CELF2: variants seen among roughly 807,000 people sequenced by gnomAD.
The protein encoded by CELF2 is CUGBP Elav-like family member 2, also known as CUG triplet repeat RNA-binding protein 2.
CELF2 carries 8 observed loss-of-function variants against 62.6 expected under a neutral mutation model. The ratio of observed to expected loss-of-function variants is 0.13; its 90% CI spans 0.07 to 0.23. The LOEUF (loss-of-function observed/expected upper bound fraction) is 0.23. Among genes scored for constraint, CELF2 ranks in the 10% least tolerant of loss-of-function variants. The pLI is 1.00. For synonymous variants in CELF2, 258 were observed against 250.0 expected (o/e 1.03, Z -0.30); for missense variants, 333 against 671.0 (o/e 0.50, Z 5.56).
chr10:10,553,375 C>G, the CELF2 span, among the ~76,000 whole-genome samples: 1 of 152,268 alleles, frequency 6.6e-6, no homozygotes, highest in South Asian at 2.1e-4. Flanking sequence ...CATATAATGC[C>G]TCTTCTTATA....
intron 1 of CELF2, among the ~76,000 whole-genome samples, chr10:10,889,608 A>T (rs1390056152): frequency 6.6e-6 from 1 of 152,246 alleles, no homozygotes. Context: ...GACCCATGTC[A>T]GTCTGACTTT....
the CELF2 span, among the ~76,000 whole-genome samples, chr10:10,531,936 G>A: frequency 6.6e-6 from 1 of 152,160 alleles, no homozygotes; most frequent in Non-Finnish European, 1.5e-5. Flanking sequence ...TATTACAGGT[G>A]CATTAATGGC....
At chr10:10,776,496 TC>T in the CELF2 span, 1 of 153,974 alleles carries the variant, frequency 6.5e-6, no homozygotes, top group East Asian at 1.9e-4. Context: ...AATTCATTCA[TC>T]CCCAGATTAT....
At chr10:10,880,538 G>T (rs749583662) in intron 1 of CELF2, among the ~76,000 whole-genome samples, 7 of 152,264 alleles carry the variant, frequency 4.6e-5, no homozygotes, top group South Asian at 2.1e-4. Context: ...AATCCTTCAA[G>T]TGAGATTTGG....
In CELF2 at chr10:11,165,670, C is replaced by A. The variant is rs2066853419; in HGVS notation, c.259C>A (p.Pro87Thr). Residue 87 changes from proline to threonine, a missense_variant, in exon 2 of 13, where the codon CCG (proline) becomes ACG (threonine). By Grantham distance (38) the Pro-to-Thr change is conservative (BLOSUM62 -1). Around this residue, in one of 3 missense-constraint regions of CELF2, gnomAD observed 253 missense variants for 503.0 expected, o/e 0.50. Coordinates refer to ENST00000633077, the MANE Select transcript of CELF2 (RefSeq NM_001326342.2). The surrounding 1 kb of genome is among the most constrained non-coding windows in gnomAD (Gnocchi z 7.4). ...NVLRDRSQNPPQSKGCCFVTF... is the reference protein window; with the variant it reads ...NVLRDRSQNPTQSKGCCFVTF... ...CCTCCGGGACCGGAGTCAGAACCCT[C>A]CGCAGAGTAAAGGTACAGAGCGCGG... The A allele has an allele frequency of 6.8e-6, 11 of 1,613,510 alleles. No homozygotes were observed. Among genetic ancestry groups the A allele is most frequent in the Non-Finnish European group, 9.3e-6 (11 of 1,179,704 alleles).
At chr10:10,884,213 A>T (rs1218537594) in intron 1 of CELF2, among the ~76,000 whole-genome samples, 1 of 152,228 alleles carries the variant, frequency 6.6e-6, no homozygotes, top group Non-Finnish European at 1.5e-5. Flanking sequence ...CCATTTTCAA[A>T]GCTCTGTAAC....
At chr10:11,093,618 A>G (rs1046563248) in intron 1 of CELF2, among the ~76,000 whole-genome samples, 3 of 152,224 alleles carry the variant, frequency 2.0e-5, no homozygotes, top group Admixed American at 2.0e-4. Context: ...AGCTTTAAAC[A>G]AACTTGATAT....
At chr10:10,909,619 A>T (rs1411404488) in intron 1 of CELF2, among the ~76,000 whole-genome samples, 1 of 152,214 alleles carries the variant, frequency 6.6e-6, no homozygotes, top group African/African-American at 2.4e-5. Context: ...TAAGACAAAA[A>T]TCTTCTTCCT....
the CELF2 span, among the ~76,000 whole-genome samples, chr10:10,494,110 G>A: frequency 1.3e-5 from 2 of 152,172 alleles, no homozygotes; most frequent in African/African-American, 4.8e-5. Flanking sequence ...AGCAGTCTTT[G>A]CCTGGCACGG....
intron 1 of CELF2, among the ~76,000 whole-genome samples, chr10:11,130,677 G>A (rs2059483434): frequency 6.6e-6 from 1 of 152,034 alleles, no homozygotes; most frequent in Non-Finnish European, 1.5e-5. Flanking sequence ...AATGTTGTGG[G>A]GAATTTAAAA....
chr10:11,286,266 C>T lies in CELF2; in HGVS notation c.842-2152C>T, dbSNP rs115586207. 7.4e-3 allele frequency among the ~76,000 whole-genome samples: 1,131 copies of T among 152,316 alleles called. 15 individuals are homozygous for T. The highest frequency in any genetic ancestry group is 0.026 in the African/African-American group (1,070 of 41,586). On this transcript the variant is annotated intron_variant, in intron 8 of 12. Coordinates refer to ENST00000633077, the MANE Select transcript of CELF2 (RefSeq NM_001326342.2). ...GTCATATATGTCCTGGAGGGGGACC[C>T]GCTGGCCTAAGCCTAGAATGGTGGC...
At chr10:11,250,873 C>G (rs543422612) in intron 4 of CELF2, among the ~76,000 whole-genome samples, 16 of 152,332 alleles carry the variant, frequency 1.1e-4, no homozygotes, top group Admixed American at 9.8e-4. Flanking sequence ...GAGGTGGTCT[C>G]CTGGCCTCTG....
chr10:10,937,931 G>T (rs1023403607), intron 2 of CELF2, among the ~76,000 whole-genome samples: 1 of 152,270 alleles, frequency 6.6e-6, no homozygotes, highest in South Asian at 2.1e-4. Flanking sequence ...GACTGCACAG[G>T]TGTTAAAATT....
At chr10:10,466,128 A>G in the CELF2 span, among the ~76,000 whole-genome samples, 9 of 152,250 alleles carry the variant, frequency 5.9e-5, no homozygotes, top group African/African-American at 2.2e-4. Context: ...ATGAGCTTTC[A>G]TTGATTTATA....
the CELF2 span, among the ~76,000 whole-genome samples, chr10:10,705,981 C>G: frequency 6.6e-6 from 1 of 152,202 alleles, no homozygotes; most frequent in Non-Finnish European, 1.5e-5. Flanking sequence ...TTCCTTCACT[C>G]ACTGGTGCCA....
At position 11,115,845 on chromosome 10, in the gene CELF2, G is replaced by A. The variant is rs946991006; in HGVS notation, c.75-49641G>A. Reference sequence around the variant, plus strand: ...TAAAAATATAATTTTCACAGGAATCGATTTTATGCATGTCTCTTTGCCCTA... The same window carrying A: ...TAAAAATATAATTTTCACAGGAATCAATTTTATGCATGTCTCTTTGCCCTA... On this transcript the variant is annotated intron_variant, in intron 1 of 12. Transcript: ENST00000633077. 1.1e-4 allele frequency among the ~76,000 whole-genome samples: 17 copies of A among 152,232 alleles called. 1 individual carries two copies. The highest frequency in any genetic ancestry group is 7.7e-4 in the East Asian group (4 of 5,182).
rs1166112271 is a variant in CELF2, at chr10:11,237,391, G to A, written c.355-11762G>A. ...TTCTCTGTGGGGTACCCAGATTCAG[G>A]TCATTTCCTATGGGGTGAGGCAGGA... On this transcript the variant is annotated intron_variant, in intron 3 of 12. Transcript: ENST00000633077. This position sits in a 1 kb window ranked among gnomAD's most constrained non-coding sequence, Gnocchi z 4.0. Among the ~76,000 whole-genome samples, 1 of 152,148 alleles carries A rather than the reference G, an allele frequency of 6.6e-6. No individual in the cohort carries two copies. Among genetic ancestry groups the A allele is most frequent in the Non-Finnish European group, 1.5e-5 (1 of 68,022 alleles).
chr10:11,254,642 A>G (rs969492915), intron 4 of CELF2, among the ~76,000 whole-genome samples: 7 of 152,188 alleles, frequency 4.6e-5, no homozygotes, highest in Non-Finnish European at 8.8e-5. Flanking sequence ...AAACCTGCAA[A>G]TTGTTTTAGC....
chr10:10,694,235 G>T, the CELF2 span, among the ~76,000 whole-genome samples: 42 of 152,118 alleles, frequency 2.8e-4, no homozygotes, highest in African/African-American at 9.9e-4. Flanking sequence ...TGGTTTCAAA[G>T]AACATTTTTA....
Sources: gnomAD v4.1 joint callset for allele counts (sites outside exome capture counted in the v4.1 genomes callset) on GRCh38, gnomAD v4.1.1 for gene constraint, gnomAD v4.1.1 regional missense constraint, Gnocchi (gnomAD v3.1) non-coding constraint, MANE v1.5 for transcripts, NCBI Gene and HGNC (gene_info 2026-07-23, HGNC 2026-07-21) for gene names.